IQCM: variants seen among roughly 807,000 people sequenced by gnomAD.
The protein encoded by IQCM is IQ domain-containing protein M.
A neutral mutation model predicts 57.6 loss-of-function variants in IQCM; 45 were observed. The ratio of observed to expected loss-of-function variants is 0.78; its 90% CI spans 0.62 to 1.00. The LOEUF (loss-of-function observed/expected upper bound fraction) is 1.00. Ranked by LOEUF, IQCM falls within the 50% of genes least tolerant of loss-of-function variation. The probability of loss-of-function intolerance (pLI) is 0.00; values close to 1 mark genes in which losing one functional copy is unlikely to be tolerated. For missense variants in IQCM, 468 were observed against 511.6 expected (o/e 0.91, Z 0.82); for synonymous variants, 148 against 158.9 (o/e 0.93, Z 0.51).
intron 13 of IQCM, among the ~76,000 whole-genome samples, chr4:149,422,244 G>A (rs972245536): frequency 6.6e-6 from 1 of 151,836 alleles, no homozygotes; most frequent in African/African-American, 2.4e-5. Context: ...AAAAGTAAAG[G>A]AATTGAGCTT....
intron 12 of IQCM, among the ~76,000 whole-genome samples, chr4:149,546,330 T>C (rs559573448): frequency 5.1e-4 from 78 of 152,342 alleles, no homozygotes; most frequent in Admixed American, 9.8e-4. Context: ...TGGGTATATA[T>C]ACCCAGTAAT....
At chr4:149,425,902 A>G (rs1310121911) in intron 13 of IQCM, among the ~76,000 whole-genome samples, 2 of 152,086 alleles carry the variant, frequency 1.3e-5, no homozygotes, top group African/African-American at 4.8e-5. Flanking sequence ...ACTATTAAAT[A>G]TTACTTCAAG....
intron 7 of IQCM, among the ~76,000 whole-genome samples, chr4:149,676,333 T>A (rs150594001): frequency 2.6e-5 from 4 of 152,228 alleles, no homozygotes; most frequent in Admixed American, 6.6e-5. Context: ...ATGGGGTATG[T>A]CTTGTGATTA....
At chr4:149,562,216 C>A (rs555245856) in intron 10 of IQCM, among the ~76,000 whole-genome samples, 1 of 152,178 alleles carries the variant, frequency 6.6e-6, no homozygotes, top group African/African-American at 2.4e-5. Context: ...TCAAATATGG[C>A]ACATGGCAGA....
intron 8 of IQCM, among the ~76,000 whole-genome samples, chr4:149,606,269 C>T (rs571395445): frequency 6.6e-6 from 1 of 152,232 alleles, no homozygotes; most frequent in Admixed American, 6.5e-5. Context: ...TTGGAGGAAA[C>T]AGAGGAAATA....
chr4:149,566,715 A>G (rs1750666631), intron 9 of IQCM, among the ~76,000 whole-genome samples: 1 of 152,236 alleles, frequency 6.6e-6, no homozygotes, highest in Non-Finnish European at 1.5e-5. Context: ...AACAATTGAA[A>G]AGAAATGAAT....
chr4:149,572,943 C>T, intron 9 of IQCM, among the ~76,000 whole-genome samples: 1 of 151,898 alleles, frequency 6.6e-6, no homozygotes, highest in East Asian at 1.9e-4. Flanking sequence ...CAATATGAAT[C>T]AAGAGCATAC....
intron 9 of IQCM, among the ~76,000 whole-genome samples, chr4:149,581,093 G>A (rs555661668): frequency 8.3e-4 from 126 of 151,634 alleles, no homozygotes; most frequent in Admixed American, 6.6e-4. Context: ...AAATAAAGTA[G>A]GATTTGGTGG....
At chr4:149,704,585 C>G (rs1258108020) in intron 5 of IQCM, among the ~76,000 whole-genome samples, 1 of 151,702 alleles carries the variant, frequency 6.6e-6, no homozygotes, top group African/African-American at 2.4e-5. Context: ...AGGAAAAGTT[C>G]TCCGGACAGA....
chr4:149,411,038 G>A (rs1733349742), intron 13 of IQCM, among the ~76,000 whole-genome samples: 1 of 151,950 alleles, frequency 6.6e-6, no homozygotes. Flanking sequence ...TGTCTTCTTT[G>A]TTGCCATTGA....
intron 2 of IQCM, among the ~76,000 whole-genome samples, chr4:149,800,247 A>AG (rs1773485156): frequency 1.3e-5 from 2 of 151,978 alleles, no homozygotes; most frequent in Non-Finnish European, 2.9e-5. Flanking sequence ...AATAAAAACC[A>AG]AATGATCATT....
intron 7 of IQCM, among the ~76,000 whole-genome samples, chr4:149,648,423 A>G (rs1025900866): frequency 1.3e-5 from 2 of 152,086 alleles, no homozygotes; most frequent in African/African-American, 4.8e-5. Flanking sequence ...TATGTGCCAC[A>G]TTTTCTTAAT....
intron 5 of IQCM, among the ~76,000 whole-genome samples, chr4:149,702,832 G>C (rs1217681724): frequency 2.0e-5 from 3 of 151,944 alleles, no homozygotes. Flanking sequence ...TGGAAAGTAA[G>C]AGAGTAACTT....
intron 12 of IQCM, among the ~76,000 whole-genome samples, chr4:149,461,656 A>G (rs977155178): frequency 7.2e-6 from 1 of 139,708 alleles, no homozygotes; most frequent in East Asian, 2.0e-4. Context: ...CCAGTCTCCA[A>G]AAAAAAAAAA....
intron 12 of IQCM, among the ~76,000 whole-genome samples, chr4:149,465,310 C>T (rs983246263): frequency 6.6e-6 from 1 of 152,022 alleles, no homozygotes; most frequent in Non-Finnish European, 1.5e-5. Context: ...AGAAATTTTT[C>T]ATTGTTCCTC....
chr4:149,411,389 AAG>A (rs1733374396), intron 13 of IQCM, among the ~76,000 whole-genome samples: 1 of 152,168 alleles, frequency 6.6e-6, no homozygotes, highest in African/African-American at 2.4e-5. Flanking sequence ...CTGTCAGTAA[AAG>A]AGCTAGTTGT....
chr4:149,451,602 T>C (rs546144223), intron 12 of IQCM, among the ~76,000 whole-genome samples: 2 of 151,740 alleles, frequency 1.3e-5, no homozygotes, highest in Admixed American at 6.6e-5. Context: ...AAAAGAGCAA[T>C]TGATAGAAAA....
At chr4:149,762,490 G>T (rs1769623778) in intron 2 of IQCM, among the ~76,000 whole-genome samples, 3 of 151,996 alleles carry the variant, frequency 2.0e-5, no homozygotes, top group Admixed American at 6.6e-5. Flanking sequence ...GTAATGAACA[G>T]AACAAGATCA....
intron 13 of IQCM, among the ~76,000 whole-genome samples, chr4:149,390,833 T>C (rs2111083703): frequency 6.6e-6 from 1 of 152,064 alleles, no homozygotes; most frequent in South Asian, 2.1e-4. Context: ...TTGTTGAGGA[T>C]TTTTTGCTTC....
Sources: allele counts gnomAD v4.1 joint callset (sites outside exome capture counted in the v4.1 genomes callset), GRCh38; gene constraint gnomAD v4.1.1; transcripts MANE v1.5; gene names NCBI Gene and HGNC (gene_info 2026-07-23, HGNC 2026-07-21).